MOB3B: variants seen among roughly 807,000 people sequenced by gnomAD.
MOB3B encodes the protein MOB kinase activator-like 2B.
Under a neutral mutation model 18.7 loss-of-function variants are expected in MOB3B, and 7 were observed. The ratio of observed to expected loss-of-function variants is 0.37; its 90% CI spans 0.21 to 0.70. The LOEUF is 0.70. MOB3B is among the 30% of genes least tolerant of loss of function. The probability of loss-of-function intolerance (pLI) is 0.52; values close to 1 mark genes in which losing one functional copy is unlikely to be tolerated. For missense variants in MOB3B, 253 were observed against 281.3 expected (o/e 0.90, Z 0.72); for synonymous variants, 111 against 99.9 (o/e 1.11, Z -0.66).
chr9:27,391,348 T>C (rs955796736), intron 2 of MOB3B, among the ~76,000 whole-genome samples: 2 of 152,110 alleles, frequency 1.3e-5, no homozygotes, highest in African/African-American at 4.8e-5. Flanking sequence ...AAATGAATGG[T>C]TGGGTGTGGT....
At chr9:27,455,091 T>G in intron 2 of MOB3B, 42 bp downstream of exon 2, 2 of 1,610,154 alleles carry the variant, frequency 1.2e-6, no homozygotes, top group Non-Finnish European at 1.7e-6. Flanking sequence ...TAGTGAAGAT[T>G]GTGCAGGTGA....
At chr9:27,355,416 T>C (rs1158076038) in intron 3 of MOB3B, among the ~76,000 whole-genome samples, 1 of 152,188 alleles carries the variant, frequency 6.6e-6, no homozygotes, top group African/African-American at 2.4e-5. Context: ...TGCATTCAAT[T>C]CTAAAAAATG....
intron 2 of MOB3B, among the ~76,000 whole-genome samples, chr9:27,363,085 T>A (rs781006349): frequency 1.3e-5 from 2 of 152,216 alleles, no homozygotes; most frequent in Non-Finnish European, 2.9e-5. Context: ...AGCCAGTTCA[T>A]GAAAACTGAT....
intron 3 of MOB3B, among the ~76,000 whole-genome samples, chr9:27,344,838 A>G (rs1821007716): frequency 6.6e-6 from 1 of 152,228 alleles, no homozygotes; most frequent in Admixed American, 6.5e-5. Flanking sequence ...AGTTTCCCAG[A>G]GCATAGGTGC....
intron 3 of MOB3B, among the ~76,000 whole-genome samples, chr9:27,338,708 G>A (rs1820898706): frequency 6.6e-6 from 1 of 152,258 alleles, no homozygotes; most frequent in Admixed American, 6.5e-5. Flanking sequence ...GGAGGCCACT[G>A]TGTCGCTGTC....
intron 2 of MOB3B, among the ~76,000 whole-genome samples, chr9:27,371,075 G>A (rs1821408931): frequency 6.6e-6 from 1 of 152,176 alleles, no homozygotes; most frequent in African/African-American, 2.4e-5. Flanking sequence ...TTGTACATTT[G>A]CATTGATGTG....
intron 2 of MOB3B, among the ~76,000 whole-genome samples, chr9:27,453,083 A>C: frequency 6.6e-6 from 1 of 152,220 alleles, no homozygotes; most frequent in East Asian, 1.9e-4. Flanking sequence ...AGAAGGCCCA[A>C]ATAATTCTGA....
At chr9:27,371,286 G>C (rs914519738) in intron 2 of MOB3B, among the ~76,000 whole-genome samples, 3 of 152,214 alleles carry the variant, frequency 2.0e-5, no homozygotes, top group Admixed American at 6.5e-5. Context: ...CTTGAGCGGG[G>C]CTTTGCAGAG....
rs1447851471 is a variant in MOB3B, at chr9:27,380,144, C to G, written c.419-20908G>C. ...CCTCACCCACCACGAGGTCTATGGG[C>G]CCCCACTAGCAGTGCAACTTTAGTG... On this transcript the variant is annotated intron_variant, in intron 2 of 3. Coordinates refer to ENST00000262244, the MANE Select transcript of MOB3B (RefSeq NM_024761.5). 4.6e-5 allele frequency among the ~76,000 whole-genome samples: 7 copies of G among 152,294 alleles called. No homozygotes were observed. The East Asian group carries it at 1.4e-3, about 29-fold the overall frequency.
In MOB3B at chr9:27,455,523, T is replaced by C; in HGVS notation, c.28A>G (p.Asn10Asp). 6.2e-7 allele frequency: 1 copy of C among 1,614,202 alleles called. No individual in the cohort carries two copies. The highest frequency in any genetic ancestry group is 1.3e-5 in the African/African-American group (1 of 75,040). Residue 10 changes from asparagine to aspartate, a missense_variant, in exon 2 of 4, where the codon AAC (asparagine) becomes GAC (aspartate). Asn to Asp is a conservative substitution (Grantham distance 23, BLOSUM62 1). Coordinates refer to ENST00000262244, the MANE Select transcript of MOB3B (RefSeq NM_024761.5). ...TTGGGTCGGAAGGTCTTGTCCTTGT[T>C]GAATACCTGCTTCAGGGCTATGGAC... The part of the protein sequence containing the change: MSIALKQVF[N>D]KDKTFRPKRK...
At chr9:27,465,904 C>T (rs1050642901) in intron 1 of MOB3B, among the ~76,000 whole-genome samples, 2 of 152,182 alleles carry the variant, frequency 1.3e-5, no homozygotes, top group African/African-American at 4.8e-5. Context: ...GGGACCGGCC[C>T]ACAAAACCAC....
intron 1 of MOB3B, among the ~76,000 whole-genome samples, chr9:27,494,503 C>T (rs143649320): frequency 4.1e-4 from 63 of 152,056 alleles, no homozygotes; most frequent in African/African-American, 1.2e-3. Context: ...TCAAGCTGGC[C>T]GATGCTTAAG....
rs188899426 is a variant in MOB3B at position 27,513,343 on chromosome 9, T to C, written c.-199+16212A>G. 5.9e-5 allele frequency among the ~76,000 whole-genome samples: 9 copies of C among 152,262 alleles called. No homozygotes were observed. In the East Asian group the frequency reaches 1.7e-3, roughly 29 times the overall value. On this transcript the variant is annotated intron_variant, in intron 1 of 3. Coordinates refer to ENST00000262244, the MANE Select transcript of MOB3B (RefSeq NM_024761.5). The stretch of plus-strand genomic sequence containing the variant: ...TGAAATATCTGCCCTCAACCTGGCC[T>C]CCTTGCTTCTACTCTAGCCCCTTCT...
At position 27,524,700 on chromosome 9, in the gene MOB3B, G is replaced by A. The variant is rs918307939; in HGVS notation, c.-199+4855C>T. 3.1e-6 allele frequency: 5 copies of A among 1,614,028 alleles called. No individual in the cohort carries two copies. Among genetic ancestry groups the A allele is most frequent in the East Asian group, 2.2e-5 (1 of 44,870 alleles). On this transcript the variant is annotated intron_variant, in intron 1 of 3. Coordinates refer to ENST00000262244, the MANE Select transcript of MOB3B (RefSeq NM_024761.5). ...AATCCAAATAGGACTTGATCAGCAA[G>A]CAGAGTACCTGAACCAATGCTTGGA...
chr9:27,330,549 A>T lies in MOB3B; in HGVS notation c.*38T>A, dbSNP rs765413541. The stretch of plus-strand genomic sequence containing the variant: ...CCTGCCCGCTCAGGGCACCAGGAGG[A>T]AACAGCTTTCCTTTCTTCCAAAGGG... On this transcript the variant is annotated 3_prime_UTR_variant, in exon 4 of 4. Transcript: ENST00000262244. 6.2e-7 allele frequency: 1 copy of T among 1,613,550 alleles called. No homozygotes were observed. Among genetic ancestry groups the T allele is most frequent in the African/African-American group, 1.3e-5 (1 of 75,048 alleles).
intron 2 of MOB3B, among the ~76,000 whole-genome samples, chr9:27,395,188 T>C (rs1022670548): frequency 1.3e-5 from 2 of 152,164 alleles, no homozygotes; most frequent in African/African-American, 2.4e-5. Context: ...GATCAAAGGG[T>C]ACAAAGTTTC....
chr9:27,524,174 C>T (rs1820389284), intron 1 of MOB3B: 1 of 331,304 alleles, frequency 3.0e-6, no homozygotes, highest in African/African-American at 2.7e-5. Flanking sequence ...AAAAAAAAGC[C>T]TCAGAGGCAA....
At chr9:27,359,344 A>G in intron 2 of MOB3B, 108 bp from the exon 3 acceptor site, 1 of 610,544 alleles carries the variant, frequency 1.6e-6, no homozygotes, top group African/African-American at 1.9e-5. Flanking sequence ...GGAGACTGGC[A>G]CCCGTCACAG....
chr9:27,420,548 CATATATATATATATAT>C (rs55684272), intron 2 of MOB3B, among the ~76,000 whole-genome samples: 2,992 of 31,088 alleles, frequency 0.096, 146 homozygotes, highest in Admixed American at 0.12. Context: ...CTGTATATTC[CATATATATATATATAT>C]ATATATATAT....
Sources: allele counts gnomAD v4.1 joint callset (sites outside exome capture counted in the v4.1 genomes callset), GRCh38; gene constraint gnomAD v4.1.1; transcripts MANE v1.5; gene names NCBI Gene and HGNC (gene_info 2026-07-23, HGNC 2026-07-21).